PAK5: variants seen among roughly 807,000 people sequenced by gnomAD.
The protein encoded by PAK5 is serine/threonine-protein kinase PAK 5.
Under a neutral mutation model 65.9 loss-of-function variants are expected in PAK5, and 16 were observed. The observed-to-expected ratio is 0.24, with a 90% confidence interval of 0.16 to 0.37. PAK5 has a LOEUF of 0.37. Ranked by LOEUF, PAK5 falls within the 10% of genes least tolerant of loss-of-function variation. The pLI, the probability that PAK5 is intolerant of heterozygous loss-of-function variation, is 1.00. For synonymous variants in PAK5, 371 were observed against 354.9 expected (o/e 1.05, Z -0.51); for missense variants, 785 against 903.9 (o/e 0.87, Z 1.69).
At chr20:9,616,335 A>C (rs890035749) in intron 3 of PAK5, among the ~76,000 whole-genome samples, 2 of 152,194 alleles carry the variant, frequency 1.3e-5, no homozygotes, top group Admixed American at 1.3e-4. Context: ...GGTGCTCCTC[A>C]AATTACGCCA....
rs190257995 is a variant in PAK5, at chr20:9,807,092, C to T, written c.-162+31670G>A. Among the ~76,000 whole-genome samples the T allele has an allele frequency of 7.8e-4, 119 of 152,226 alleles. 1 individual carries two copies. The Middle Eastern group carries it at 0.01, about 13-fold the overall frequency. ...TATTGCCTCCTTCTCATATGGACTC[C>T]CGTGTGATCATGTTGGGCCTACTCA... On this transcript the variant is annotated intron_variant, in intron 1 of 9. Transcript: ENST00000353224.
chr20:9,616,160 C>T (rs182276036), intron 3 of PAK5, among the ~76,000 whole-genome samples: 229 of 152,304 alleles, frequency 1.5e-3, no homozygotes, highest in Non-Finnish European at 2.4e-3. Flanking sequence ...CTCCATTGTA[C>T]TTCTACCTGG....
At chr20:9,598,353 C>T (rs2046307264) in intron 3 of PAK5, among the ~76,000 whole-genome samples, 1 of 152,188 alleles carries the variant, frequency 6.6e-6, no homozygotes, top group East Asian at 1.9e-4. Flanking sequence ...TTTATCCAGT[C>T]TATCATTGAT....
At chr20:9,719,352 C>T (rs562160747) in intron 1 of PAK5, among the ~76,000 whole-genome samples, 1 of 152,260 alleles carries the variant, frequency 6.6e-6, no homozygotes, top group East Asian at 1.9e-4. Flanking sequence ...ACAGATTGAG[C>T]ACTATTTTAT....
chr20:9,836,140 T>G (rs1297124776), intron 1 of PAK5, among the ~76,000 whole-genome samples: 1 of 151,180 alleles, frequency 6.6e-6, no homozygotes, highest in Non-Finnish European at 1.5e-5. Context: ...TTAAATAATC[T>G]TTAAAGTATT....
chr20:9,572,994 T>C (rs1442231153), intron 4 of PAK5, among the ~76,000 whole-genome samples: 1 of 152,210 alleles, frequency 6.6e-6, no homozygotes. Context: ...TACCAGGTCA[T>C]TAATTGTCAT....
intron 2 of PAK5, among the ~76,000 whole-genome samples, chr20:9,708,023 A>G (rs954990829): frequency 4.6e-5 from 7 of 152,232 alleles, no homozygotes; most frequent in African/African-American, 1.7e-4. Flanking sequence ...TTCAATAGCT[A>G]CAACATACTT....
chr20:9,692,155 A>G (rs1267353151), intron 2 of PAK5, among the ~76,000 whole-genome samples: 1 of 152,168 alleles, frequency 6.6e-6, no homozygotes, highest in East Asian at 1.9e-4. Context: ...ACTTGAGCAT[A>G]GTCAGAATTT....
intron 1 of PAK5, among the ~76,000 whole-genome samples, chr20:9,829,647 T>C (rs543328403): frequency 3.9e-5 from 6 of 152,316 alleles, no homozygotes; most frequent in African/African-American, 1.4e-4. Context: ...GTTACCTTTC[T>C]AAAACAGTTA....
At chr20:9,602,385 T>C (rs939948910) in intron 3 of PAK5, among the ~76,000 whole-genome samples, 2 of 152,166 alleles carry the variant, frequency 1.3e-5, no homozygotes, top group African/African-American at 4.8e-5. Context: ...TTGCTCCTAA[T>C]GTTGCTACCA....
intron 2 of PAK5, among the ~76,000 whole-genome samples, chr20:9,689,062 A>G (rs2047757732): frequency 6.6e-6 from 1 of 152,178 alleles, no homozygotes; most frequent in African/African-American, 2.4e-5. Flanking sequence ...AAGAGAAGTG[A>G]TATTTCAAAT....
chr20:9,809,898 A>G (rs184974988), intron 1 of PAK5, among the ~76,000 whole-genome samples: 106 of 152,324 alleles, frequency 7.0e-4, no homozygotes, highest in Admixed American at 3.3e-3. Context: ...TAAGCTGTCA[A>G]ACTTTGGAAG....
intron 1 of PAK5, among the ~76,000 whole-genome samples, chr20:9,735,521 G>A (rs1004081515): frequency 1.3e-5 from 2 of 152,108 alleles, no homozygotes; most frequent in Non-Finnish European, 2.9e-5. Flanking sequence ...CCGAAGATCC[G>A]TGGACGTTAG....
chr20:9,782,450 G>A (rs377570719), intron 1 of PAK5, among the ~76,000 whole-genome samples: 5 of 152,116 alleles, frequency 3.3e-5, no homozygotes, highest in South Asian at 2.1e-4. Context: ...ATCTTACTAC[G>A]ACATGCTATT....
intron 1 of PAK5, among the ~76,000 whole-genome samples, chr20:9,771,130 T>C (rs2048827794): frequency 1.3e-5 from 2 of 152,178 alleles, no homozygotes. Flanking sequence ...GCTCCTATAA[T>C]TTATCTAGTC....
Position 9,602,309 on chromosome 20 carries a change from A to C in PAK5, c.205-21379T>G, listed in dbSNP as rs766410844. Among the ~76,000 whole-genome samples, 187 of 150,422 alleles carry C rather than the reference A, an allele frequency of 1.2e-3. 2 individuals are homozygous for C. The highest frequency in any genetic ancestry group is 4.2e-3 in the African/African-American group (173 of 40,946). ...TGTCTCAAAAATAAATAAATAAATA[A>C]ATAAATAAATAAATAAATAAATAAA... On this transcript the variant is annotated intron_variant, in intron 3 of 9. Coordinates refer to ENST00000353224, the MANE Select transcript of PAK5 (RefSeq NM_177990.4).
At chr20:9,666,676 A>G (rs2123352395) in intron 2 of PAK5, among the ~76,000 whole-genome samples, 1 of 152,222 alleles carries the variant, frequency 6.6e-6, no homozygotes, top group South Asian at 2.1e-4. Context: ...ACAAAACAAA[A>G]TGCAAAACAA....
intron 1 of PAK5, among the ~76,000 whole-genome samples, chr20:9,733,326 T>C (rs2048353150): frequency 6.6e-6 from 1 of 152,170 alleles, no homozygotes; most frequent in South Asian, 2.1e-4. Flanking sequence ...GTATACATTG[T>C]GAATTAATTA....
chr20:9,693,709 G>C (rs2047828861), intron 2 of PAK5, among the ~76,000 whole-genome samples: 2 of 152,050 alleles, frequency 1.3e-5, no homozygotes. Flanking sequence ...TAAATTTTGA[G>C]TCATATAATA....
Sources: allele counts gnomAD v4.1 joint callset (sites outside exome capture counted in the v4.1 genomes callset), GRCh38; gene constraint gnomAD v4.1.1; transcripts MANE v1.5; gene names NCBI Gene and HGNC (gene_info 2026-07-23, HGNC 2026-07-21).